CPN1: variants seen among roughly 807,000 people sequenced by gnomAD.
CPN1 encodes the protein carboxypeptidase N subunit 1, also known as carboxypeptidase N catalytic chain.
CPN1 carries 37 observed loss-of-function variants against 46.4 expected under a neutral mutation model. The observed-to-expected ratio is 0.80, with a 90% CI of 0.61 to 1.05. The LOEUF is 1.05. CPN1 is among the 50% of genes least tolerant of loss of function. The probability of loss-of-function intolerance (pLI) is 0.00; values close to 1 mark genes in which losing one functional copy is unlikely to be tolerated. For synonymous variants in CPN1, 224 were observed against 235.4 expected (o/e 0.95, Z 0.44); for missense variants, 563 against 602.6 (o/e 0.93, Z 0.69).
chr10:100,071,545 C>T (rs1160133889), intron 2 of CPN1, among the ~76,000 whole-genome samples: 1 of 152,198 alleles, frequency 6.6e-6, no homozygotes, highest in Non-Finnish European at 1.5e-5. Context: ...TAGAGTCCAT[C>T]CTGATTCTAG....
chr10:100,048,439 T>C (rs2041327662), intron 8 of CPN1, among the ~76,000 whole-genome samples: 1 of 152,198 alleles, frequency 6.6e-6, no homozygotes, highest in South Asian at 2.1e-4. Context: ...GGCTCATGCC[T>C]GTAATCTCAG....
chr10:100,065,320 A>G lies in CPN1; in HGVS notation c.627T>C (p.Phe209=). Residue 209 remains phenylalanine, a synonymous_variant, in exon 4 of 9, where the codon TTT becomes TTC. Coordinates refer to ENST00000370418, the MANE Select transcript of CPN1 (RefSeq NM_001308.3). ...CTCCGTGGAGATTGGCTGAAAGAAC[A>G]AAGTTGAAGGAGTGCATCCACCGGA... ...AVIRWMHSFN[F]VLSANLHGGA... The G allele has an allele frequency of 6.2e-7, 1 of 1,614,154 alleles. No individual in the cohort carries two copies. The highest frequency in any genetic ancestry group is 8.5e-7 in the Non-Finnish European group (1 of 1,180,034).
At chr10:100,068,192 C>A (rs1392355410) in intron 3 of CPN1, among the ~76,000 whole-genome samples, 4 of 147,670 alleles carry the variant, frequency 2.7e-5, no homozygotes, top group East Asian at 2.0e-4. Context: ...AAAGAAAAAA[C>A]TAAGGGTTAG....
rs183386640 is a variant in CPN1 at position 100,043,384 on chromosome 10, G to A, written c.1231-811C>T. Among the ~76,000 whole-genome samples the A allele has an allele frequency of 5.7e-3, 843 of 147,470 alleles. 13 individuals are homozygous for A. Among genetic ancestry groups the A allele is most frequent in the African/African-American group, 0.02 (769 of 39,238 alleles). ...CACTCCAGCCTGGGTGACAGAGTGAGATTCCATCTCAAAAAGAAAAAAAAA... is the reference window on the plus strand; with the variant it reads ...CACTCCAGCCTGGGTGACAGAGTGAAATTCCATCTCAAAAAGAAAAAAAAA... On this transcript the variant is annotated intron_variant, in intron 8 of 8. Coordinates refer to ENST00000370418, the MANE Select transcript of CPN1 (RefSeq NM_001308.3).
At chr10:100,078,160 G>A (rs7906163) in intron 1 of CPN1, among the ~76,000 whole-genome samples, 6,802 of 151,982 alleles carry the variant, frequency 0.045, 200 homozygotes, top group African/African-American at 0.082. Flanking sequence ...CCATCCTCCC[G>A]CCTCAGCCTC....
chr10:100,067,686 T>C (rs890941660), intron 3 of CPN1, among the ~76,000 whole-genome samples: 22 of 152,178 alleles, frequency 1.4e-4, no homozygotes, highest in Non-Finnish European at 2.5e-4. Flanking sequence ...GAATGCCTAG[T>C]TATTTTCAGG....
chr10:100,053,256 C>T (rs2133429555), intron 7 of CPN1, among the ~76,000 whole-genome samples: 1 of 152,258 alleles, frequency 6.6e-6, no homozygotes, highest in Middle Eastern at 3.4e-3. Flanking sequence ...AGAGTTCATC[C>T]AGCTTAAACA....
At chr10:100,071,941 A>T (rs1325776503) in intron 2 of CPN1, among the ~76,000 whole-genome samples, 1 of 152,166 alleles carries the variant, frequency 6.6e-6, no homozygotes, top group East Asian at 1.9e-4. Flanking sequence ...TGTATTTCCA[A>T]ATAAGATCAT....
chr10:100,081,011 T>C, intron 1 of CPN1, among the ~76,000 whole-genome samples: 1 of 152,200 alleles, frequency 6.6e-6, no homozygotes, highest in East Asian at 1.9e-4. Context: ...CTTCTAAGTT[T>C]CCTGGCAGAA....
rs1266603911 is a variant in CPN1, at chr10:100,081,342, T to G, written c.223+61A>C. On this transcript the variant is annotated intron_variant, in intron 1 of 8. Coordinates refer to ENST00000370418, the MANE Select transcript of CPN1 (RefSeq NM_001308.3). ...GGACCACCCCAGAAACCACTCCAAT[T>G]ACTGGATTTGCAAGGGAAAGGCCCT... The G allele has an allele frequency of 1.2e-5, 18 of 1,466,684 alleles. No homozygotes were observed. In the South Asian group the frequency reaches 1.8e-4, roughly 15 times the overall value. The allele number at this position is 1,466,684 out of a possible 1,614,324, so 90.9% of individuals were successfully genotyped here.
At chr10:100,045,564 A>C (rs1250390453) in intron 8 of CPN1, among the ~76,000 whole-genome samples, 1 of 152,246 alleles carries the variant, frequency 6.6e-6, no homozygotes, top group African/African-American at 2.4e-5. Flanking sequence ...AAGGAGCTAC[A>C]AACACAGGTT....
At chr10:100,051,568 C>T (rs181912633) in intron 7 of CPN1, among the ~76,000 whole-genome samples, 105 of 151,974 alleles carry the variant, frequency 6.9e-4, no homozygotes, top group African/African-American at 2.5e-3. Flanking sequence ...TGCTCTGTCG[C>T]CCAGGCTGGA....
intron 7 of CPN1, among the ~76,000 whole-genome samples, chr10:100,049,279 G>C (rs1196932752): frequency 7.2e-6 from 1 of 138,092 alleles, no homozygotes; most frequent in African/African-American, 2.8e-5. Context: ...TTTTGAGATG[G>C]AGTCTCACTC....
intron 2 of CPN1, among the ~76,000 whole-genome samples, chr10:100,073,860 C>T (rs1299324073): frequency 6.6e-6 from 1 of 152,132 alleles, no homozygotes; most frequent in Non-Finnish European, 1.5e-5. Context: ...GGTGATCCTC[C>T]TACTTCAGCC....
At position 100,063,821 on chromosome 10, in the gene CPN1, G is replaced by C. The variant is rs1251839769; in HGVS notation, c.760-96C>G. The C allele has an allele frequency of 6.6e-5, 58 of 882,174 alleles. No homozygotes were observed. In the South Asian group the frequency reaches 7.2e-4, roughly 11 times the overall value. The allele number at this position is 882,174 out of a possible 1,614,324, so 54.6% of individuals were successfully genotyped here. A position where few individuals can be genotyped will look rare whatever the true frequency, so the allele number is the denominator to read the frequency against. ...TAGGTTGAAGCCAAGAAGCCCTGCT[G>C]GGTATATAAACAGTGGATTATTTGC... On this transcript the variant is annotated intron_variant, in intron 4 of 8. Transcript: ENST00000370418.
intron 1 of CPN1, among the ~76,000 whole-genome samples, chr10:100,079,724 T>A (rs2041533548): frequency 6.6e-6 from 1 of 152,188 alleles, no homozygotes; most frequent in South Asian, 2.1e-4. Context: ...TGGGATTATG[T>A]CAAGATTTAG....
In CPN1 at chr10:100,081,846, ATCC is replaced by A; in HGVS notation, c.-224_-222del. Reference sequence around the variant, plus strand: ...CTCCCTCACTCCCTTTCTTTCTCTAATCCAGGAAAGCCTTTTGAAAGGTTTTTT... The same window carrying A: ...CTCCCTCACTCCCTTTCTTTCTCTAAAGGAAAGCCTTTTGAAAGGTTTTTT... On this transcript the variant is annotated 5_prime_UTR_variant, in exon 1 of 9. Transcript: ENST00000370418. 1 of 554,110 alleles carries A rather than the reference ATCC, an allele frequency of 1.8e-6. No individual in the cohort carries two copies. Among genetic ancestry groups the A allele is most frequent in the Non-Finnish European group, 3.3e-6 (1 of 306,274 alleles). 34.3% of individuals were successfully genotyped at this position (554,110 alleles called of 1,614,324 possible). A position where few individuals can be genotyped will look rare whatever the true frequency, so the allele number is the denominator to read the frequency against.
chr10:100,064,894 T>G (rs2041443985), intron 4 of CPN1, among the ~76,000 whole-genome samples: 1 of 152,166 alleles, frequency 6.6e-6, no homozygotes, highest in Non-Finnish European at 1.5e-5. Context: ...AATTCACATT[T>G]AATGACACTC....
intron 8 of CPN1, 100 bp from the exon 9 acceptor site, chr10:100,042,673 GTGACCCAGAGAAGCAC>G: frequency 6.8e-7 from 1 of 1,465,362 alleles, no homozygotes; most frequent in Non-Finnish European, 9.4e-7. Context: ...TATTATAGCA[GTGACCCAGAGAAGCAC>G]TGGTGGTGTC....
Sources: gnomAD v4.1 joint callset for allele counts (sites outside exome capture counted in the v4.1 genomes callset) on GRCh38, gnomAD v4.1.1 for gene constraint, MANE v1.5 for transcripts, NCBI Gene and HGNC (gene_info 2026-07-23, HGNC 2026-07-21) for gene names.